Variants in NFIC observed in about 807,000 individuals in gnomAD.
The protein encoded by NFIC is nuclear factor I C, also known as nuclear factor 1 C-type.
Under a neutral mutation model 54.4 loss-of-function variants are expected in NFIC, and 12 were observed. The ratio of observed to expected loss-of-function variants is 0.22; its 90% CI spans 0.14 to 0.36. The LOEUF is 0.36. NFIC is among the 10% of genes least tolerant of loss of function. NFIC has a pLI of 1.00. For synonymous variants in NFIC, 322 were observed against 319.2 expected (o/e 1.01, Z -0.09); for missense variants, 575 against 718.2 (o/e 0.80, Z 2.28).
intron 3 of NFIC, 40 bp from the exon 4 acceptor site, chr19:3,433,478 C>A: frequency 6.2e-7 from 1 of 1,607,494 alleles, no homozygotes; most frequent in Non-Finnish European, 8.5e-7. Context: ...GGGAAACAGG[C>A]CCAGCTCAGC....
rs2082724636 is a variant in NFIC, at chr19:3,466,980, C to T, written c.*4211C>T. The T allele has an allele frequency of 6.6e-6, 1 of 152,182 alleles. No homozygotes were observed. Among genetic ancestry groups the T allele is most frequent in the Admixed American group, 6.5e-5 (1 of 15,276 alleles). 9.4% of individuals were successfully genotyped at this position (152,182 alleles called of 1,614,324 possible). On this transcript the variant is annotated 3_prime_UTR_variant, in exon 11 of 11. Transcript: ENST00000443272. This position sits in a 1 kb window ranked among gnomAD's most constrained non-coding sequence, Gnocchi z 4.8. Reference sequence around the variant, plus strand: ...CCTGTAGGGCAAAATTCCCAGGCGCCTTGCTGCAGACAGAGTAAGACAAAA... The same window carrying T: ...CCTGTAGGGCAAAATTCCCAGGCGCTTTGCTGCAGACAGAGTAAGACAAAA...
intron 4 of NFIC, 63 bp from the exon 5 acceptor site, chr19:3,434,214 C>G: frequency 1.9e-6 from 3 of 1,556,666 alleles, no homozygotes; most frequent in Non-Finnish European, 2.6e-6. Flanking sequence ...CCCTACCTCT[C>G]TAAAGCAAAC....
chr19:3,399,738 G>A (rs2081524409), intron 2 of NFIC, among the ~76,000 whole-genome samples: 1 of 152,096 alleles, frequency 6.6e-6, no homozygotes, highest in African/African-American at 2.4e-5. Flanking sequence ...TGGGCGTGTG[G>A]TGGGAGCCTG....
rs2082475832 is a variant in NFIC at position 3,452,235 on chromosome 19, C to T, written c.1085-247C>T. On this transcript the variant is annotated intron_variant, in intron 7 of 10. Coordinates refer to ENST00000443272, the MANE Select transcript of NFIC (RefSeq NM_001245002.2). The surrounding 1 kb of genome is among the most constrained non-coding windows in gnomAD (Gnocchi z 5.3). Reference sequence around the variant, plus strand: ...TGCCTGGGCAACATAGCAAGACCCCCACCTCTACAAAACTAAAAAATTAAA... The same window carrying T: ...TGCCTGGGCAACATAGCAAGACCCCTACCTCTACAAAACTAAAAAATTAAA... Among the ~76,000 whole-genome samples, 1 of 152,048 alleles carries T rather than the reference C, an allele frequency of 6.6e-6. No homozygotes were observed. The highest frequency in any genetic ancestry group is 2.4e-5 in the African/African-American group (1 of 41,376).
intron 2 of NFIC, among the ~76,000 whole-genome samples, chr19:3,406,996 AG>A (rs944438536): frequency 3.4e-5 from 2 of 59,530 alleles, no homozygotes; most frequent in African/African-American, 1.5e-4. Context: ...AGAGTGAGCG[AG>A]GGGGAGAGAG....
At position 3,452,703 on chromosome 19, in the gene NFIC, G is replaced by A. The variant is rs369747365; in HGVS notation, c.1269+37G>A. ...GGGGCGCATTCGGGCCTCTCCTGGC[G>A]GCTCCAGGTGACCTCCCGGGGGCCA... On this transcript the variant is annotated intron_variant, in intron 8 of 10. Transcript: ENST00000443272. The surrounding 1 kb of genome is among the most constrained non-coding windows in gnomAD (Gnocchi z 5.3). 1.9e-5 allele frequency: 29 copies of A among 1,549,336 alleles called. No homozygotes were observed. In the Admixed American group the frequency reaches 3.6e-4, roughly 19 times the overall value.
intron 2 of NFIC, among the ~76,000 whole-genome samples, chr19:3,398,960 T>C (rs1247417905): frequency 6.6e-6 from 1 of 152,242 alleles, no homozygotes; most frequent in Non-Finnish European, 1.5e-5. Flanking sequence ...TTGTGGATGT[T>C]GTTTATCATC....
At chr19:3,420,826 G>C (rs2081942935) in intron 2 of NFIC, among the ~76,000 whole-genome samples, 2 of 151,972 alleles carry the variant, frequency 1.3e-5, no homozygotes, top group Admixed American at 1.3e-4. Context: ...GAGTTCAAGA[G>C]ATTCTCCTGC....
chr19:3,365,749 G>A (rs1400486780), upstream of NFIC, among the ~76,000 whole-genome samples: 1 of 152,182 alleles, frequency 6.6e-6, no homozygotes, highest in African/African-American at 2.4e-5. Flanking sequence ...GTCCTCCTGG[G>A]GTGCTGGAGA....
chr19:3,429,251 T>TACACACACACAC lies in NFIC; in HGVS notation c.634+4075_634+4076insCACACACACACA, dbSNP rs1223236383. On this transcript the variant is annotated intron_variant, in intron 3 of 10. Coordinates refer to ENST00000443272, the MANE Select transcript of NFIC (RefSeq NM_001245002.2). ...TACCCCAAAAAAAAAAAAAAAAATA[T>TACACACACACAC]ATACACACACACACACACACACACA... Among the ~76,000 whole-genome samples the TACACACACACAC allele has an allele frequency of 9.4e-4, 26 of 27,586 alleles. 2 individuals carry two copies. The highest frequency in any genetic ancestry group is 1.4e-3 in the African/African-American group (11 of 7,724). 18.1% of individuals were successfully genotyped at this position (27,586 alleles called of 152,430 possible).
In NFIC at chr19:3,369,767, C is replaced by T. The variant is rs540009681; in HGVS notation, c.30+3101C>T. Among the ~76,000 whole-genome samples the T allele has an allele frequency of 2.0e-5, 3 of 152,332 alleles. No individual in the cohort carries two copies. Among genetic ancestry groups the T allele is most frequent in the South Asian group, 4.1e-4 (2 of 4,822 alleles). On this transcript the variant is annotated intron_variant, in intron 1 of 10. Coordinates refer to ENST00000443272, the MANE Select transcript of NFIC (RefSeq NM_001245002.2). This position sits in a 1 kb window ranked among gnomAD's most constrained non-coding sequence, Gnocchi z 4.3. ...TCCCTCCCTGCCTCCCTCCCGCTGG[C>T]GCCACCGCCACGTTAGTTATTCCGG...
chr19:3,450,308 G>A lies in NFIC; in HGVS notation c.1084+1169G>A, dbSNP rs1369966704. Reference sequence around the variant, plus strand: ...TGCAGTGAGCCAAGATCGTGCCAGTGCACTCCAGCCTGGGTGACAGAGCGA... The same window carrying A: ...TGCAGTGAGCCAAGATCGTGCCAGTACACTCCAGCCTGGGTGACAGAGCGA... On this transcript the variant is annotated intron_variant, in intron 7 of 10. Transcript: ENST00000443272. 4.0e-5 allele frequency among the ~76,000 whole-genome samples: 6 copies of A among 150,332 alleles called. No individual in the cohort carries two copies. The South Asian group carries it at 1.3e-3, about 32-fold the overall frequency.
intron 2 of NFIC, among the ~76,000 whole-genome samples, chr19:3,417,552 A>C (rs1319699354): frequency 6.6e-6 from 1 of 151,882 alleles, no homozygotes; most frequent in Non-Finnish European, 1.5e-5. Flanking sequence ...GACCGAAAGA[A>C]GGTCCATTTT....
rs190048735 is a variant in NFIC, at chr19:3,414,363, G to A, written c.563-10743G>A. On this transcript the variant is annotated intron_variant, in intron 2 of 10. Transcript: ENST00000443272. ...TGTAATCCCAGCACTTTGGGAGTCC[G>A]AGGCGGACGGATCACGAGGTCAAGA... Among the ~76,000 whole-genome samples, 279 of 152,172 alleles carry A rather than the reference G, an allele frequency of 1.8e-3. 3 individuals are homozygous for A. The highest frequency in any genetic ancestry group is 6.5e-3 in the African/African-American group (271 of 41,522).
intron 1 of NFIC, chr19:3,371,640 A>T (rs890895153): frequency 6.6e-6 from 1 of 152,088 alleles, no homozygotes; most frequent in South Asian, 2.1e-4. Context: ...GACACCTGGT[A>T]TACAGTAGGT....
In NFIC at chr19:3,452,607, G is replaced by A. The variant is rs2082483952; in HGVS notation, c.1210G>A (p.Asp404Asn). ...CTACCCACCTCATCTCAACCCCCAG[G>A]ACCCGCTCAAAGATCTTGTCTCGCT... ...IRYPPHLNPQDPLKDLVSLAC... is the reference protein window; with the variant it reads ...IRYPPHLNPQNPLKDLVSLAC... Residue 404 changes from aspartate to asparagine, a missense_variant, in exon 8 of 11, where the codon GAC (aspartate) becomes AAC (asparagine). Around this residue, in one of 3 missense-constraint regions of NFIC, gnomAD observed 447 missense variants for 526.9 expected, o/e 0.85. Transcript: ENST00000443272. The surrounding 1 kb of genome is among the most constrained non-coding windows in gnomAD (Gnocchi z 5.3). 2 of 1,613,532 alleles carry A rather than the reference G, an allele frequency of 1.2e-6. No individual in the cohort carries two copies. The highest frequency in any genetic ancestry group is 2.2e-5 in the South Asian group (2 of 91,050).
At chr19:3,409,770 T>C (rs1189661351) in intron 2 of NFIC, among the ~76,000 whole-genome samples, 3 of 152,188 alleles carry the variant, frequency 2.0e-5, no homozygotes, top group Non-Finnish European at 2.9e-5. Flanking sequence ...GTCAGTGCCA[T>C]CCAGCGTGCG....
At chr19:3,386,325 T>C (rs2081294951) in intron 2 of NFIC, among the ~76,000 whole-genome samples, 1 of 143,688 alleles carries the variant, frequency 7.0e-6, no homozygotes, top group Non-Finnish European at 1.5e-5. Context: ...TTTTTTTTTT[T>C]TTTTTTTTTT....
chr19:3,376,038 G>A (rs973279565), intron 1 of NFIC, among the ~76,000 whole-genome samples: 1 of 152,126 alleles, frequency 6.6e-6, no homozygotes, highest in Non-Finnish European at 1.5e-5. Context: ...ACCTCAGCCA[G>A]GTCTCCGCCC....
Sources: gnomAD v4.1 joint callset for allele counts (sites outside exome capture counted in the v4.1 genomes callset) on GRCh38, gnomAD v4.1.1 for gene constraint, gnomAD v4.1.1 regional missense constraint, Gnocchi (gnomAD v3.1) non-coding constraint, MANE v1.5 for transcripts, NCBI Gene and HGNC (gene_info 2026-07-23, HGNC 2026-07-21) for gene names.